The following SAMD4A variants were observed in gnomAD, a reference collection of about 807,000 sequenced individuals.
SAMD4A encodes the protein protein Smaug homolog 1.
In SAMD4A, 33 loss-of-function variants were observed where a neutral mutation model predicts 81.3. The ratio of observed to expected loss-of-function variants is 0.41; its 90% CI spans 0.31 to 0.54. The LOEUF is 0.54. SAMD4A is among the 20% of genes least tolerant of loss of function. The probability of loss-of-function intolerance (pLI) is 0.37; values close to 1 mark genes in which losing one functional copy is unlikely to be tolerated. For missense variants in SAMD4A, 854 were observed against 951.1 expected (o/e 0.90, Z 1.34); for synonymous variants, 389 against 382.1 (o/e 1.02, Z -0.21).
At chr14:54,698,904 A>G (rs1331893871) in intron 2 of SAMD4A, among the ~76,000 whole-genome samples, 1 of 149,552 alleles carries the variant, frequency 6.7e-6, no homozygotes, top group Non-Finnish European at 1.5e-5. Context: ...TATGACTCCT[A>G]TTTATGTTTT....
In SAMD4A at chr14:54,770,098, T is replaced by C. The variant is rs188491206; in HGVS notation, c.1597-6T>C. On this transcript the variant is annotated splice_region_variant and splice_polypyrimidine_tract_variant and intron_variant, in intron 8 of 12. Transcript: ENST00000554335. Reference sequence around the variant, plus strand: ...ACCCATTTAAAAGTCCTGTTTGTTTTTGCAGGCATTTACAGAGACACAGAA... The same window carrying C: ...ACCCATTTAAAAGTCCTGTTTGTTTCTGCAGGCATTTACAGAGACACAGAA... 6.9e-4 allele frequency: 1,103 copies of C among 1,595,950 alleles called. No homozygotes were observed. The highest frequency in any genetic ancestry group is 8.8e-4 in the Non-Finnish European group (1,030 of 1,163,940).
rs2039267334 is a variant in SAMD4A at position 54,792,043 on chromosome 14, A to G, written c.*3099A>G. The G allele has an allele frequency of 6.6e-6, 1 of 152,220 alleles. No individual in the cohort carries two copies. The highest frequency in any genetic ancestry group is 1.5e-5 in the Non-Finnish European group (1 of 68,040). 9.4% of individuals were successfully genotyped at this position (152,220 alleles called of 1,614,324 possible). A position where few individuals can be genotyped will look rare whatever the true frequency, so the allele number is the denominator to read the frequency against. On this transcript the variant is annotated 3_prime_UTR_variant, in exon 13 of 13. Coordinates refer to ENST00000554335, the MANE Select transcript of SAMD4A (RefSeq NM_015589.6). ...GTGGTGTTCTACAATATTATCATGT[A>G]TGATGTTTTATTGGTGCTTTTTATT...
Position 54,793,149 on chromosome 14 carries a change from TAC to T in SAMD4A, c.*4207_*4208del, listed in dbSNP as rs1340264073. The T allele has an allele frequency of 4.6e-5, 7 of 152,270 alleles. No individual in the cohort carries two copies. Among genetic ancestry groups the T allele is most frequent in the African/African-American group, 1.7e-4 (7 of 41,478 alleles). The allele number at this position is 152,270 out of a possible 1,614,324, so 9.4% of individuals were successfully genotyped here. ...TTGAAGATGCTGTTCTTTGCAAGTG[TAC>T]AGTTTTCAAATGTTGTTACCAGTGA... On this transcript the variant is annotated 3_prime_UTR_variant, in exon 13 of 13. Transcript: ENST00000554335.
chr14:54,688,097 C>T, intron 2 of SAMD4A: 1 of 985,544 alleles, frequency 1.0e-6, no homozygotes, highest in Non-Finnish European at 1.2e-6. Context: ...AATTTTTCAC[C>T]TAACACCTGG....
At chr14:54,690,658 AT>A (rs1209337029) in intron 2 of SAMD4A, among the ~76,000 whole-genome samples, 1 of 152,220 alleles carries the variant, frequency 6.6e-6, no homozygotes, top group Non-Finnish European at 1.5e-5. Flanking sequence ...CACAAATGTC[AT>A]TGAAAAGGAC....
chr14:54,675,382 A>AAAAAAAAAAAAAAAAAAC (rs2035971632), intron 2 of SAMD4A, among the ~76,000 whole-genome samples: 1 of 151,114 alleles, frequency 6.6e-6, no homozygotes, highest in Non-Finnish European at 1.5e-5. Flanking sequence ...AAAAAAAAAA[A>AAAAAAAAAAAAAAAAAAC]AAAAAGGCAG....
intron 11 of SAMD4A, among the ~76,000 whole-genome samples, chr14:54,779,928 G>T (rs1035595817): frequency 2.0e-5 from 3 of 152,154 alleles, no homozygotes; most frequent in Non-Finnish European, 4.4e-5. Context: ...TGGAGGCAGG[G>T]CGTTTTCTCA....
intron 10 of SAMD4A, among the ~76,000 whole-genome samples, chr14:54,775,629 G>A (rs1261506157): frequency 1.3e-5 from 2 of 152,082 alleles, no homozygotes; most frequent in East Asian, 3.9e-4. Flanking sequence ...GTTTAGAGCT[G>A]ACTTCTCTGG....
intron 2 of SAMD4A, among the ~76,000 whole-genome samples, chr14:54,589,877 C>G (rs914838962): frequency 1.3e-5 from 2 of 152,230 alleles, no homozygotes; most frequent in African/African-American, 4.8e-5. Context: ...TTATATGTCT[C>G]CTTCTCAGAA....
At chr14:54,729,872 T>G (rs1311702322) in intron 3 of SAMD4A, among the ~76,000 whole-genome samples, 1 of 152,194 alleles carries the variant, frequency 6.6e-6, no homozygotes, top group African/African-American at 2.4e-5. Flanking sequence ...TGAAATTTAC[T>G]GATTTCTATT....
At chr14:54,639,915 A>G (rs2035132451) in intron 2 of SAMD4A, among the ~76,000 whole-genome samples, 1 of 151,646 alleles carries the variant, frequency 6.6e-6, no homozygotes, top group Non-Finnish European at 1.5e-5. Context: ...TTGACAAACT[A>G]CTCCTTTTTA....
At chr14:54,781,682 G>C (rs1445567797) in intron 11 of SAMD4A, among the ~76,000 whole-genome samples, 1 of 152,218 alleles carries the variant, frequency 6.6e-6, no homozygotes, top group Non-Finnish European at 1.5e-5. Context: ...AGGGGCCTGG[G>C]ATAAATGAGA....
intron 8 of SAMD4A, among the ~76,000 whole-genome samples, chr14:54,769,014 C>G (rs143507968): frequency 2.8e-4 from 43 of 152,322 alleles, no homozygotes; most frequent in African/African-American, 8.4e-4. Flanking sequence ...GGAATTCATG[C>G]CCTATTGACA....
intron 3 of SAMD4A, among the ~76,000 whole-genome samples, chr14:54,705,090 A>G (rs1270059365): frequency 6.6e-6 from 1 of 152,220 alleles, no homozygotes; most frequent in Non-Finnish European, 1.5e-5. Context: ...CATTCACAAT[A>G]TCTACCTTTG....
In SAMD4A at chr14:54,729,830, T is replaced by G. The variant is rs1475636683; in HGVS notation, c.716-7194T>G. Among the ~76,000 whole-genome samples, 12 of 152,220 alleles carry G rather than the reference T, an allele frequency of 7.9e-5. No individual in the cohort carries two copies. In the East Asian group the frequency reaches 2.3e-3, roughly 29 times the overall value. ...ATGAGAGGATTGAGGTAGTGTCCTT[T>G]TAGGATTTCTTGATTTGAAGCTAAG... On this transcript the variant is annotated intron_variant, in intron 3 of 12. Transcript: ENST00000554335.
intron 6 of SAMD4A, among the ~76,000 whole-genome samples, chr14:54,759,934 C>T (rs956433013): frequency 3.3e-5 from 5 of 152,076 alleles, no homozygotes; most frequent in Admixed American, 1.3e-4. Context: ...TGGGATTTTC[C>T]GGTGGTGTGT....
At chr14:54,640,389 T>C (rs1376238701) in intron 2 of SAMD4A, among the ~76,000 whole-genome samples, 1 of 152,136 alleles carries the variant, frequency 6.6e-6, no homozygotes, top group African/African-American at 2.4e-5. Context: ...ATCAATTATT[T>C]ATTGATTTAG....
chr14:54,583,030 G>A (rs4901522), intron 2 of SAMD4A, among the ~76,000 whole-genome samples: 21,220 of 152,096 alleles, frequency 0.14, 1,866 homozygotes, highest in East Asian at 0.37. Flanking sequence ...TGCAACCTCC[G>A]CCTCCTGGGT....
chr14:54,678,604 A>G (rs2036052512), intron 2 of SAMD4A, among the ~76,000 whole-genome samples: 1 of 148,960 alleles, frequency 6.7e-6, no homozygotes, highest in Non-Finnish European at 1.5e-5. Context: ...GCCGGAGTGC[A>G]GCGGCGCGAT....
Sources: gnomAD v4.1 joint callset for allele counts (sites outside exome capture counted in the v4.1 genomes callset) on GRCh38, gnomAD v4.1.1 for gene constraint, MANE v1.5 for transcripts, NCBI Gene and HGNC (gene_info 2026-07-23, HGNC 2026-07-21) for gene names.